SAMMSON: variants seen among roughly 807,000 people sequenced by gnomAD.
The protein encoded by SAMMSON is survival associated mitochondrial melanoma specific oncogenic non-coding RNA.
intron 3 of SAMMSON, among the ~76,000 whole-genome samples, chr3:70,071,207 C>T (rs1465401634): frequency 1.3e-5 from 2 of 152,030 alleles, no homozygotes; most frequent in Non-Finnish European, 2.9e-5. Context: ...TCCATTTATA[C>T]GTGCATCTGT....
chr3:70,316,628 A>G (rs113424570), intron 7 of SAMMSON, among the ~76,000 whole-genome samples: 1 of 152,064 alleles, frequency 6.6e-6, no homozygotes, highest in Non-Finnish European at 1.5e-5. Context: ...TTCGGCCTTG[A>G]TATGAAAATA....
At chr3:70,071,648 G>A (rs976947903) in intron 4 of SAMMSON, 1 of 151,878 alleles carries the variant, frequency 6.6e-6, no homozygotes. Context: ...TAAGCCTCGC[G>A]ATTCCTAATT....
intron 9 of SAMMSON, among the ~76,000 whole-genome samples, chr3:70,386,341 G>A (rs570982710): frequency 2.6e-4 from 39 of 152,184 alleles, no homozygotes; most frequent in African/African-American, 8.7e-4. Context: ...TCTGGTTTAC[G>A]AGAGACAGAA....
chr3:70,333,323 T>G (rs1702639002), intron 7 of SAMMSON, among the ~76,000 whole-genome samples: 2 of 152,100 alleles, frequency 1.3e-5, no homozygotes, highest in African/African-American at 2.4e-5. Context: ...GAGGGTATAC[T>G]TCCCTTTAAA....
At chr3:70,228,354 A>T (rs1701527763) in intron 4 of SAMMSON, among the ~76,000 whole-genome samples, 2 of 152,142 alleles carry the variant, frequency 1.3e-5, no homozygotes, top group African/African-American at 4.8e-5. Flanking sequence ...TTTGACAAGT[A>T]ATTCATCTTC....
chr3:70,401,502 C>T (rs943520834), intron 2 of SAMMSON, among the ~76,000 whole-genome samples: 1 of 151,994 alleles, frequency 6.6e-6, no homozygotes, highest in African/African-American at 2.4e-5. Flanking sequence ...ATTATTTTCT[C>T]GAAATAATAT....
chr3:70,013,005 C>T (rs1000253228), intron 2 of SAMMSON, among the ~76,000 whole-genome samples: 2 of 152,108 alleles, frequency 1.3e-5, no homozygotes, highest in Non-Finnish European at 2.9e-5. Flanking sequence ...GGAGGAAGAT[C>T]ATCTAGTTTT....
intron 3 of SAMMSON, among the ~76,000 whole-genome samples, chr3:70,046,820 T>A (rs183639491): frequency 6.6e-6 from 1 of 152,232 alleles, no homozygotes; most frequent in Non-Finnish European, 1.5e-5. Flanking sequence ...GTGGCCCACA[T>A]TCTTTGTCTG....
At chr3:70,233,358 T>C (rs554846968) in intron 4 of SAMMSON, among the ~76,000 whole-genome samples, 7 of 152,310 alleles carry the variant, frequency 4.6e-5, no homozygotes, top group Admixed American at 1.3e-4. Flanking sequence ...AATAATGACC[T>C]GTGACAGTAA....
At chr3:70,058,432 C>T (rs17729465) in intron 3 of SAMMSON, among the ~76,000 whole-genome samples, 65,102 of 151,660 alleles carry the variant, frequency 0.43, 14,605 homozygotes, top group East Asian at 0.62. Context: ...ACAAAAAGGT[C>T]TTCTAAAAAT....
chr3:70,343,381 C>T (rs942025945), intron 7 of SAMMSON, among the ~76,000 whole-genome samples: 2 of 152,012 alleles, frequency 1.3e-5, no homozygotes, highest in Non-Finnish European at 2.9e-5. Flanking sequence ...CCTCCTTTGG[C>T]TCCTCTTTAC....
intron 8 of SAMMSON, among the ~76,000 whole-genome samples, chr3:70,355,370 A>G (rs916307136): frequency 3.3e-5 from 5 of 152,160 alleles, no homozygotes; most frequent in African/African-American, 1.2e-4. Flanking sequence ...CAACTGAAAC[A>G]TGCACAGATA....
chr3:70,313,158 T>A (rs1416530847), intron 7 of SAMMSON, among the ~76,000 whole-genome samples: 2 of 152,152 alleles, frequency 1.3e-5, no homozygotes, highest in Non-Finnish European at 2.9e-5. Flanking sequence ...CATTAAATTC[T>A]TAGGTAAGGA....
At chr3:70,350,802 C>A (rs1056907123) in intron 7 of SAMMSON, among the ~76,000 whole-genome samples, 2 of 152,076 alleles carry the variant, frequency 1.3e-5, no homozygotes, top group Non-Finnish European at 2.9e-5. Flanking sequence ...AAATACCATA[C>A]TGTGGACGGC....
intron 7 of SAMMSON, among the ~76,000 whole-genome samples, chr3:70,328,128 A>C (rs569625122): frequency 6.6e-6 from 1 of 152,308 alleles, no homozygotes; most frequent in East Asian, 1.9e-4. Context: ...AGACTTATTC[A>C]CTATCACAAT....
At chr3:70,266,046 C>G (rs1412143052) in intron 6 of SAMMSON, among the ~76,000 whole-genome samples, 3 of 152,270 alleles carry the variant, frequency 2.0e-5, no homozygotes, top group South Asian at 2.1e-4. Context: ...TTTGCTTATT[C>G]AGAAAAGAGA....
At chr3:70,252,531 A>C (rs1701779226) in intron 6 of SAMMSON, among the ~76,000 whole-genome samples, 1 of 152,186 alleles carries the variant, frequency 6.6e-6, no homozygotes, top group South Asian at 2.1e-4. Context: ...CAATTGCAAA[A>C]GCTAAGTGAG....
chr3:70,104,755 C>T (rs1271651500), intron 4 of SAMMSON, among the ~76,000 whole-genome samples: 1 of 152,096 alleles, frequency 6.6e-6, no homozygotes, highest in Non-Finnish European at 1.5e-5. Context: ...GTGTCAAGGC[C>T]TGGGGTGTGT....
At chr3:70,060,280 C>T (rs372431264) in intron 3 of SAMMSON, among the ~76,000 whole-genome samples, 16 of 152,102 alleles carry the variant, frequency 1.1e-4, no homozygotes, top group Admixed American at 8.5e-4. Flanking sequence ...TAGAGGGAAA[C>T]CAACAGTTAA....
Sources: gnomAD v4.1 joint callset for allele counts (sites outside exome capture counted in the v4.1 genomes callset) on GRCh38, gnomAD v4.1.1 for gene constraint, MANE v1.5 for transcripts, NCBI Gene and HGNC (gene_info 2026-07-23, HGNC 2026-07-21) for gene names.